The following RSPH14 variants were observed in gnomAD, a reference collection of about 807,000 sequenced individuals.
RSPH14 encodes rhabdoid tumor deletion region gene 1.
Under a neutral mutation model 26.7 loss-of-function variants are expected in RSPH14, and 20 were observed. The ratio of observed to expected loss-of-function variants is 0.75; its 90% CI spans 0.53 to 1.09. The LOEUF (loss-of-function observed/expected upper bound fraction) is 1.09, where lower values mean the gene tolerates loss of function less well. Ranked by LOEUF, RSPH14 falls within the 50% of genes least tolerant of loss-of-function variation. RSPH14 has a pLI of 0.00. For synonymous variants in RSPH14, 177 were observed against 189.3 expected, an observed-to-expected ratio of 0.93 and a Z score of 0.53; for missense variants, 449 against 457.2, an observed-to-expected ratio of 0.98 and a Z score of 0.16.
At chr22:23,176,501 T>C in the RSPH14 span, among the ~76,000 whole-genome samples, 15 of 152,272 alleles carry the variant, frequency 9.9e-5, no homozygotes, top group African/African-American at 3.4e-4. Context: ...GCAGCCTCTA[T>C]ACTAGCGTTG....
intron 4 of RSPH14, among the ~76,000 whole-genome samples, chr22:23,090,628 G>A (rs370642895): frequency 1.3e-5 from 2 of 152,112 alleles, no homozygotes; most frequent in African/African-American, 4.8e-5. Context: ...CAGGGCCTTT[G>A]TGCCGGTGGT....
chr22:23,130,536 A>AAG (rs2070340816), intron 4 of RSPH14, among the ~76,000 whole-genome samples: 1 of 148,128 alleles, frequency 6.8e-6, no homozygotes. Context: ...AAGAAAGAGA[A>AAG]AGAAGGAAAG....
chr22:23,091,752 C>T (rs2068987272), intron 4 of RSPH14, among the ~76,000 whole-genome samples: 1 of 152,240 alleles, frequency 6.6e-6, no homozygotes. Context: ...CATGCAGGTA[C>T]ACACATGGCT....
At chr22:23,154,300 C>T in the RSPH14 span, among the ~76,000 whole-genome samples, 1 of 152,226 alleles carries the variant, frequency 6.6e-6, no homozygotes, top group Non-Finnish European at 1.5e-5. Flanking sequence ...TGCCTGAGTT[C>T]GTTCCTCAAT....
upstream of RSPH14, among the ~76,000 whole-genome samples, chr22:23,149,599 A>C (rs576570050): frequency 1.2e-4 from 19 of 152,296 alleles, no homozygotes; most frequent in African/African-American, 4.6e-4. Context: ...GTGCAGTGGC[A>C]TGATCATAGC....
At chr22:23,101,255 A>G (rs1198021369) in intron 4 of RSPH14, among the ~76,000 whole-genome samples, 1 of 151,970 alleles carries the variant, frequency 6.6e-6, no homozygotes, top group Non-Finnish European at 1.5e-5. Context: ...CAGGGCTGAG[A>G]CTCTGGCTCT....
chr22:23,149,949 A>G, upstream of RSPH14: 1 of 805,526 alleles, frequency 1.2e-6, no homozygotes, highest in Non-Finnish European at 2.1e-6. Context: ...TGAGGCTGCC[A>G]GCTGTGAGGC....
chr22:23,062,370 C>T (rs2068115429), intron 5 of RSPH14, among the ~76,000 whole-genome samples: 1 of 152,200 alleles, frequency 6.6e-6, no homozygotes, highest in African/African-American at 2.4e-5. Context: ...CAGCTAAGGA[C>T]TCAGACCAGG....
At chr22:23,125,946 C>G (rs933567223) in intron 4 of RSPH14, among the ~76,000 whole-genome samples, 1 of 152,204 alleles carries the variant, frequency 6.6e-6, no homozygotes, top group South Asian at 2.1e-4. Context: ...CATGCACACA[C>G]GCGCAGATAC....
chr22:23,176,857 A>G, the RSPH14 span, among the ~76,000 whole-genome samples: 1 of 152,200 alleles, frequency 6.6e-6, no homozygotes, highest in Non-Finnish European at 1.5e-5. Context: ...TACAGCAGCC[A>G]CGGTGGCCAT....
chr22:23,140,391 A>G lies in RSPH14; in HGVS notation c.30T>C (p.Leu10=), dbSNP rs2070572062. Residue 10 remains leucine (L), a synonymous_variant, in exon 2 of 7, where the codon CTT becomes CTC. Coordinates refer to ENST00000216036, the MANE Select transcript of RSPH14 (RefSeq NM_014433.3). MAHSQNSLE[L]PININATQIT... ...TCTGGGTGGCATTGATGTTAATGGGAAGCTCCAAGGAGTTCTGGGAATGGG... is the reference window on the plus strand; with the variant it reads ...TCTGGGTGGCATTGATGTTAATGGGGAGCTCCAAGGAGTTCTGGGAATGGG... The G allele has an allele frequency of 6.2e-7, 1 of 1,614,052 alleles. No homozygotes were observed. Among genetic ancestry groups the G allele is most frequent in the Non-Finnish European group, 8.5e-7 (1 of 1,180,032 alleles).
At chr22:23,085,785 CA>C (rs982864944) in intron 4 of RSPH14, among the ~76,000 whole-genome samples, 5 of 152,254 alleles carry the variant, frequency 3.3e-5, no homozygotes, top group African/African-American at 9.6e-5. Flanking sequence ...GGGGACAGAG[CA>C]GGGGGCTGCA....
intron 4 of RSPH14, chr22:23,131,643 T>A (rs1569193742): frequency 7.7e-7 from 1 of 1,304,108 alleles, no homozygotes; most frequent in East Asian, 5.5e-5. Context: ...ACTCCAAGAA[T>A]GAGGGGACTA....
intron 4 of RSPH14, among the ~76,000 whole-genome samples, chr22:23,118,484 C>T (rs2069915773): frequency 7.0e-6 from 1 of 143,254 alleles, no homozygotes; most frequent in South Asian, 2.2e-4. Context: ...CCCGCCCCAC[C>T]CCCCGCGGCT....
chr22:23,116,029 T>C (rs908713476), intron 4 of RSPH14, among the ~76,000 whole-genome samples: 5 of 152,238 alleles, frequency 3.3e-5, no homozygotes, highest in African/African-American at 1.2e-4. Context: ...CTGAGGCCGC[T>C]GGGGTCCCAC....
chr22:23,150,038 T>G, the RSPH14 span: 1 of 1,560,564 alleles, frequency 6.4e-7, no homozygotes, highest in Non-Finnish European at 8.8e-7. Flanking sequence ...CAGGATGATG[T>G]GTCCGTCTGT....
At chr22:23,174,120 G>A in the RSPH14 span, among the ~76,000 whole-genome samples, 35 of 152,276 alleles carry the variant, frequency 2.3e-4, no homozygotes, top group Admixed American at 4.6e-4. Flanking sequence ...GTCCCAGCCT[G>A]TTCTTCCAGT....
At chr22:23,178,529 G>A in the RSPH14 span, among the ~76,000 whole-genome samples, 8 of 152,296 alleles carry the variant, frequency 5.3e-5, no homozygotes, top group East Asian at 1.3e-3. Flanking sequence ...TTCCTCACAT[G>A]CAAAATGGGC....
chr22:23,109,399 G>A (rs1376728181), intron 4 of RSPH14, among the ~76,000 whole-genome samples: 1 of 152,162 alleles, frequency 6.6e-6, no homozygotes, highest in Non-Finnish European at 1.5e-5. Flanking sequence ...ATCAGCTGCT[G>A]CTCCTCTCAG....
Sources: allele counts gnomAD v4.1 joint callset (sites outside exome capture counted in the v4.1 genomes callset), GRCh38; gene constraint gnomAD v4.1.1; transcripts MANE v1.5; gene names NCBI Gene and HGNC (gene_info 2026-07-23, HGNC 2026-07-21).